KCTD1: variants seen among roughly 807,000 people sequenced by gnomAD.
KCTD1 encodes the protein potassium channel tetramerization domain containing 1.
In KCTD1, 24 loss-of-function variants were observed where a neutral mutation model predicts 66.0. The observed-to-expected ratio is 0.36, with a 90% CI of 0.26 to 0.51. The LOEUF (loss-of-function observed/expected upper bound fraction) is 0.51, where lower values mean the gene tolerates loss of function less well. KCTD1 is among the 20% of genes least tolerant of loss of function. The probability of loss-of-function intolerance (pLI) is 0.95; values close to 1 mark genes in which losing one functional copy is unlikely to be tolerated. For synonymous variants in KCTD1, 511 were observed against 517.2 expected (o/e 0.99, Z 0.16); for missense variants, 943 against 1,205.2 (o/e 0.78, Z 3.22).
At chr18:26,582,960 A>G (rs1428281138) in intron 1 of KCTD1, among the ~76,000 whole-genome samples, 2 of 152,218 alleles carry the variant, frequency 1.3e-5, no homozygotes, top group Non-Finnish European at 2.9e-5. Context: ...AATTTAGAGA[A>G]AAAATAAGTA....
chr18:26,548,127 G>T lies in KCTD1; in HGVS notation c.410C>A (p.Pro137Gln). ...QSAALEPEAP[P>Q]RLLAPRARGG... ...GCGGGCCCGGGGCGCCAGCAGTCGC[G>T]GCGGCGCCTCGGGCTCCAGCGCGGC... The change falls in exon 1 of 5, where the codon CCG (proline) becomes CAG (glutamine). Residue 137 changes from proline (P) to glutamine (Q), a missense_variant. Coordinates refer to ENST00000580059, the MANE Select transcript of KCTD1 (RefSeq NM_001142730.3). 1 of 1,315,078 alleles carries T rather than the reference G, an allele frequency of 7.6e-7. No individual in the cohort carries two copies. The highest frequency in any genetic ancestry group is 9.6e-7 in the Non-Finnish European group (1 of 1,041,028). 81.5% of individuals were successfully genotyped at this position (1,315,078 alleles called of 1,614,324 possible).
upstream of KCTD1, among the ~76,000 whole-genome samples, chr18:26,553,297 A>C (rs899071241): frequency 6.6e-6 from 1 of 152,204 alleles, no homozygotes; most frequent in Non-Finnish European, 1.5e-5. Context: ...ATCTTGAGTA[A>C]TGTTTTTTGA....
At chr18:26,553,705 G>A (rs1294616836) in intron 1 of KCTD1, among the ~76,000 whole-genome samples, 1 of 151,846 alleles carries the variant, frequency 6.6e-6, no homozygotes, top group Non-Finnish European at 1.5e-5. Flanking sequence ...AAGTTGATAT[G>A]CACAAAACAC....
chr18:26,524,987 C>T (rs1243651588), intron 1 of KCTD1, among the ~76,000 whole-genome samples: 1 of 152,064 alleles, frequency 6.6e-6, no homozygotes, highest in Non-Finnish European at 1.5e-5. Context: ...CCAGAAAGGA[C>T]CTCTGGAAAG....
chr18:26,604,234 T>C (rs1423604061), intron 1 of KCTD1, among the ~76,000 whole-genome samples: 1 of 152,230 alleles, frequency 6.6e-6, no homozygotes, highest in Non-Finnish European at 1.5e-5. Flanking sequence ...ATAGTCAGAA[T>C]GGCTATTATT....
At chr18:26,616,565 G>T (rs991867556) in intron 1 of KCTD1, among the ~76,000 whole-genome samples, 16 of 151,730 alleles carry the variant, frequency 1.1e-4, no homozygotes, top group African/African-American at 3.9e-4. Context: ...TGTCACCCAG[G>T]CTGGAGTGCA....
chr18:26,557,203 T>C (rs1985727321), intron 1 of KCTD1, among the ~76,000 whole-genome samples: 1 of 152,320 alleles, frequency 6.6e-6, no homozygotes, highest in Admixed American at 6.5e-5. Context: ...GGGAAGTTAG[T>C]TGAACTGTCA....
At position 26,590,950 on chromosome 18, in the gene KCTD1, A is replaced by G. The variant is rs145203677; in HGVS notation, c.-16+38197T>C. On this transcript the variant is annotated intron_variant, in intron 1 of 4. Coordinates refer to the KCTD1 transcript ENST00000317932. The stretch of plus-strand genomic sequence containing the variant: ...CCCAAATCATTGCTGCTTGTTTGAC[A>G]CACCAGGAATGCTTATTACTTATTA... 3.6e-3 allele frequency among the ~76,000 whole-genome samples: 546 copies of G among 152,288 alleles called. 1 individual carries two copies. Among genetic ancestry groups the G allele is most frequent in the African/African-American group, 0.013 (530 of 41,566 alleles).
rs376532505 is a variant in KCTD1 at position 26,476,476 on chromosome 18, C to A, written c.2133+39G>T. ...TTTTTTGGAGCACATAAAAAAATCA[C>A]ATATTTATGCTATTGGTGATTTAAC... On this transcript the variant is annotated intron_variant, in intron 3 of 4. Coordinates refer to ENST00000580059, the MANE Select transcript of KCTD1 (RefSeq NM_001142730.3). This position sits in a 1 kb window ranked among gnomAD's most constrained non-coding sequence, Gnocchi z 4.9. 1.9e-6 allele frequency: 3 copies of A among 1,564,980 alleles called. No homozygotes were observed. In the African/African-American group the frequency reaches 4.1e-5, roughly 22 times the overall value.
chr18:26,564,334 C>A (rs1985932011), intron 1 of KCTD1, among the ~76,000 whole-genome samples: 1 of 152,150 alleles, frequency 6.6e-6, no homozygotes, highest in Admixed American at 6.5e-5. Context: ...TGGGCTCTAG[C>A]TGCACCTCAG....
upstream of KCTD1, among the ~76,000 whole-genome samples, chr18:26,552,186 C>T (rs1985590054): frequency 6.6e-6 from 1 of 152,214 alleles, no homozygotes. Context: ...GCATGAAAAA[C>T]TCCAAATGTT....
rs547647439 is a variant in KCTD1 at position 26,599,695 on chromosome 18, G to A, written c.-16+29452C>T. 18 of 1,503,404 alleles carry A rather than the reference G, an allele frequency of 1.2e-5. No individual in the cohort carries two copies. The Admixed American group carries it at 2.2e-4, about 18-fold the overall frequency. 93.1% of individuals were successfully genotyped at this position (1,503,404 alleles called of 1,614,324 possible). A position where few individuals can be genotyped will look rare whatever the true frequency, so the allele number is the denominator to read the frequency against. On this transcript the variant is annotated intron_variant, in intron 1 of 4. Transcript: ENST00000317932. ...CTGGTGGATGTCTTTTTCTGAAAGA[G>A]CCAGTAGAGACAGCTGTAGATAACA...
intron 3 of KCTD1, among the ~76,000 whole-genome samples, chr18:26,470,124 A>G (rs12455569): frequency 0.021 from 3,202 of 152,276 alleles, 49 homozygotes; most frequent in Middle Eastern, 0.071. Context: ...TTACCCATCC[A>G]TGCGTTCATT....
In KCTD1 at chr18:26,547,147, T is replaced by C. The variant is rs1198150442; in HGVS notation, c.1390A>G (p.Ile464Val). Residue 464 changes from isoleucine (I) to valine (V), a missense_variant, in exon 1 of 5, where the codon ATC (isoleucine) becomes GTC (valine). Physicochemically the swap from Ile to Val is conservative, Grantham distance 29 (BLOSUM62 3). Coordinates refer to ENST00000580059, the MANE Select transcript of KCTD1 (RefSeq NM_001142730.3). ...GAVSIATLNS[I>V]AGIGTKLGSP... ...CCCAGCTTGGTGCCAATGCCCGCGA[T>C]GCTGTTGAGCGTGGCGATGGAGACG... 2 of 1,550,812 alleles carry C rather than the reference T, an allele frequency of 1.3e-6. No individual in the cohort carries two copies. The highest frequency in any genetic ancestry group is 1.4e-5 in the African/African-American group (1 of 73,066).
chr18:26,566,000 C>T (rs767775285), intron 1 of KCTD1: 1 of 151,744 alleles, frequency 6.6e-6, no homozygotes, highest in South Asian at 2.1e-4. Context: ...TTTTCCCCCC[C>T]CAAGATAACT....
chr18:26,501,766 T>C (rs1015599779), intron 1 of KCTD1, among the ~76,000 whole-genome samples: 1 of 152,236 alleles, frequency 6.6e-6, no homozygotes, highest in Non-Finnish European at 1.5e-5. Context: ...AAAGAGAGCA[T>C]ACTGGTCTAG....
intron 1 of KCTD1, among the ~76,000 whole-genome samples, chr18:26,582,201 G>A: frequency 6.6e-6 from 1 of 151,838 alleles, no homozygotes; most frequent in East Asian, 1.9e-4. Flanking sequence ...GAGCCTGGGA[G>A]GTGGAGGTTA....
At chr18:26,562,710 T>C (rs1262718265) in intron 1 of KCTD1, among the ~76,000 whole-genome samples, 1 of 152,212 alleles carries the variant, frequency 6.6e-6, no homozygotes, top group Non-Finnish European at 1.5e-5. Context: ...CTCACAGTTC[T>C]GGAGGCTGGA....
chr18:26,600,746 CT>C (rs1219672624), intron 1 of KCTD1, among the ~76,000 whole-genome samples: 1 of 151,858 alleles, frequency 6.6e-6, no homozygotes, highest in Non-Finnish European at 1.5e-5. Flanking sequence ...ACCTGCTTGT[CT>C]TTCAGAGTTG....
Sources: gnomAD v4.1 joint callset for allele counts (sites outside exome capture counted in the v4.1 genomes callset) on GRCh38, gnomAD v4.1.1 for gene constraint, Gnocchi (gnomAD v3.1) non-coding constraint, MANE v1.5 for transcripts, NCBI Gene and HGNC (gene_info 2026-07-23, HGNC 2026-07-21) for gene names.